The following HDLBP variants were observed in gnomAD, a reference collection of about 807,000 sequenced individuals.
The protein encoded by HDLBP is high density lipoprotein binding protein.
A neutral mutation model predicts 137.3 loss-of-function variants in HDLBP; 30 were observed. That is an observed-to-expected ratio of 0.22 (90% CI 0.16 to 0.30). HDLBP has a LOEUF of 0.30. HDLBP is among the 10% of genes least tolerant of loss of function. The pLI is 1.00. For missense variants in HDLBP, 1,119 were observed against 1,667.3 expected, an observed-to-expected ratio of 0.67 and a Z score of 5.73; for synonymous variants, 606 against 596.0, an observed-to-expected ratio of 1.02 and a Z score of -0.24.
Position 241,239,662 on chromosome 2 carries a change from C to T in HDLBP, c.2550G>A (p.Lys850=). The part of the protein sequence containing the change: ...SGTQSDKVTL[K]GAKDCVEAAK... ...CTGCCTCCACACAGTCCTTGGCGCCCTTGAGGGTGACTTTGTCGCTCTGTG... is the reference window on the plus strand; with the variant it reads ...CTGCCTCCACACAGTCCTTGGCGCCTTTGAGGGTGACTTTGTCGCTCTGTG... Residue 850 remains lysine, a synonymous_variant, in exon 19 of 28, where the codon AAG becomes AAA. Coordinates refer to ENST00000310931, the MANE Select transcript of HDLBP (RefSeq NM_005336.6). The surrounding 1 kb of genome is among the most constrained non-coding windows in gnomAD (Gnocchi z 4.6). The T allele has an allele frequency of 3.1e-6, 5 of 1,614,238 alleles. No individual in the cohort carries two copies. The highest frequency in any genetic ancestry group is 4.2e-6 in the Non-Finnish European group (5 of 1,180,040).
At chr2:241,287,911 C>T (rs2074882103) in intron 1 of HDLBP, among the ~76,000 whole-genome samples, 1 of 152,216 alleles carries the variant, frequency 6.6e-6, no homozygotes, top group African/African-American at 2.4e-5. Context: ...AAAGACAATT[C>T]TGCTGTGAAG....
chr2:241,264,403 C>A, intron 4 of HDLBP, 45 bp downstream of exon 4: 8 of 1,332,642 alleles, frequency 6.0e-6, no homozygotes, highest in East Asian at 2.4e-5. Flanking sequence ...TTTACATAGA[C>A]ATGTTACATG....
rs2075368635 is a variant in HDLBP at position 241,300,816 on chromosome 2, A to C, written c.-103+14754T>G. On this transcript the variant is annotated intron_variant, in intron 1 of 27. Transcript: ENST00000310931. ...CTGCTGAGCTCGTTGTGCAGACGAC[A>C]AAGGGAACACAGAACTTGGGTCTCA... 2.0e-5 allele frequency among the ~76,000 whole-genome samples: 3 copies of C among 152,160 alleles called. No individual in the cohort carries two copies. The South Asian group carries it at 6.2e-4, about 32-fold the overall frequency.
intron 14 of HDLBP, chr2:241,247,427 A>T (rs1574906776): frequency 2.2e-6 from 1 of 444,568 alleles, no homozygotes; most frequent in Non-Finnish European, 4.2e-6. Context: ...ACACACATGG[A>T]GACAGCACGG....
chr2:241,255,708 C>T, intron 7 of HDLBP, 128 bp from the exon 8 acceptor site: 1 of 709,804 alleles, frequency 1.4e-6, no homozygotes, highest in Non-Finnish European at 2.5e-6. Flanking sequence ...AAGAAGTGAA[C>T]AACAAGTGAT....
chr2:241,248,473 G>A, intron 12 of HDLBP, 125 bp from the exon 13 acceptor site: 2 of 757,458 alleles, frequency 2.6e-6, no homozygotes, highest in Non-Finnish European at 4.6e-6. Flanking sequence ...TGGTCTCCAG[G>A]TGGCACCTCG....
At position 241,272,621 on chromosome 2, in the gene HDLBP, C is replaced by CG. The variant is rs1453686777; in HGVS notation, c.-102-4081dup. Reference sequence around the variant, plus strand: ...CGGGCGGGGGCCGCAGCCTGGGGCCCGGGTGGGGGCCGCGGCACCCGGGCC... The same window carrying CG: ...CGGGCGGGGGCCGCAGCCTGGGGCCCGGGGTGGGGGCCGCGGCACCCGGGCC... On this transcript the variant is annotated intron_variant, in intron 1 of 27. Coordinates refer to ENST00000310931, the MANE Select transcript of HDLBP (RefSeq NM_005336.6). The surrounding 1 kb of genome is among the most constrained non-coding windows in gnomAD (Gnocchi z 5.6). 4 of 980,602 alleles carry CG rather than the reference C, an allele frequency of 4.1e-6. No homozygotes were observed. The highest frequency in any genetic ancestry group is 4.8e-6 in the Non-Finnish European group (4 of 826,960). 60.7% of individuals were successfully genotyped at this position (980,602 alleles called of 1,614,324 possible). A position where few individuals can be genotyped will look rare whatever the true frequency, so the allele number is the denominator to read the frequency against.
chr2:241,297,829 G>A (rs554679484), intron 1 of HDLBP, among the ~76,000 whole-genome samples: 6 of 152,032 alleles, frequency 3.9e-5, no homozygotes, highest in Admixed American at 3.3e-4. Context: ...AAGGCGGGTG[G>A]ATCACCTGAG....
At chr2:241,246,661 A>C in intron 16 of HDLBP, 91 bp downstream of exon 16, 1 of 1,303,356 alleles carries the variant, frequency 7.7e-7, no homozygotes, top group Non-Finnish European at 1.1e-6. Flanking sequence ...GCGCTGGCCC[A>C]ATGACCCTGC....
intron 20 of HDLBP, among the ~76,000 whole-genome samples, chr2:241,237,727 AC>A (rs899238816): frequency 8.9e-5 from 11 of 123,446 alleles, no homozygotes; most frequent in Non-Finnish European, 3.4e-5. Flanking sequence ...CAGAAAAAAA[AC>A]GTGTGTAAAA....
chr2:241,234,517 G>A (rs2070170082), intron 23 of HDLBP, among the ~76,000 whole-genome samples: 1 of 152,166 alleles, frequency 6.6e-6, no homozygotes, highest in Admixed American at 6.5e-5. Flanking sequence ...CTCACGGGAG[G>A]AGTGGAAAGC....
At chr2:241,314,826 C>T (rs1247884722) in intron 1 of HDLBP, among the ~76,000 whole-genome samples, 1 of 152,198 alleles carries the variant, frequency 6.6e-6, no homozygotes, top group Non-Finnish European at 1.5e-5. Context: ...GCGGGTCAGC[C>T]ATTAGGAACT....
At chr2:241,258,302 G>C (rs576479994) in intron 5 of HDLBP, among the ~76,000 whole-genome samples, 1 of 140,662 alleles carries the variant, frequency 7.1e-6, no homozygotes, top group Non-Finnish European at 1.5e-5. Context: ...AGCCGAGATC[G>C]CGCCACTGCA....
chr2:241,233,891 C>T lies in HDLBP; in HGVS notation c.3217G>A (p.Ala1073Thr), dbSNP rs2149342588. Residue 1073 changes from alanine (A) to threonine (T), a missense_variant, in exon 24 of 28, where the codon GCA becomes ACA. Transcript: ENST00000310931. The surrounding 1 kb of genome is among the most constrained non-coding windows in gnomAD (Gnocchi z 4.3). Reference protein sequence around the residue: ...YHPKIIGRKGAVITQIRLEHD... With the variant: ...YHPKIIGRKGTVITQIRLEHD... ...TCCAACCGGATTTGGGTAATTACTGCCCCCTTTCTCCCGATAATCTTGGGA... is the reference window on the plus strand; with the variant it reads ...TCCAACCGGATTTGGGTAATTACTGTCCCCTTTCTCCCGATAATCTTGGGA... 1 of 1,614,062 alleles carries T rather than the reference C, an allele frequency of 6.2e-7. No homozygotes were observed. The highest frequency in any genetic ancestry group is 8.5e-7 in the Non-Finnish European group (1 of 1,179,934).
chr2:241,283,786 G>A (rs950951670), intron 1 of HDLBP, among the ~76,000 whole-genome samples: 1 of 152,108 alleles, frequency 6.6e-6, no homozygotes, highest in Admixed American at 6.6e-5. Flanking sequence ...TAGCTAGATC[G>A]CTTCTAAGAG....
Position 241,248,261 on chromosome 2 carries a change from G to T in HDLBP, c.1600C>A (p.Arg534Ser). 1 of 1,613,512 alleles carries T rather than the reference G, an allele frequency of 6.2e-7. No individual in the cohort carries two copies. Among genetic ancestry groups the T allele is most frequent in the Non-Finnish European group, 8.5e-7 (1 of 1,179,470 alleles). Residue 534 changes from arginine (R) to serine (S), a missense_variant, in exon 13 of 28, where the codon CGT becomes AGT. Transcript: ENST00000310931. ...GQKGERIREI[R>S]DKFPEVIINF... is the part of the protein sequence containing the mutation. ...AACTTTACCTCTGGGAATTTGTCAC[G>T]AATTTCACGGATCCGTTCACCCTTC... is the stretch of plus-strand genomic sequence containing the variant.
At chr2:241,248,617 T>C (rs62186367) in intron 12 of HDLBP, among the ~76,000 whole-genome samples, 39,031 of 152,070 alleles carry the variant, frequency 0.26, 5,843 homozygotes, top group East Asian at 0.63. Context: ...GAACTCGCTG[T>C]AGGACCCTTC....
intron 24 of HDLBP, among the ~76,000 whole-genome samples, chr2:241,232,360 C>T (rs945676076): frequency 6.6e-6 from 1 of 151,946 alleles, no homozygotes; most frequent in Non-Finnish European, 1.5e-5. Flanking sequence ...ACTGCAGCCT[C>T]CGCCTCCTGC....
At position 241,272,205 on chromosome 2, in the gene HDLBP, C is replaced by A; in HGVS notation, c.-102-3664G>T. On this transcript the variant is annotated intron_variant, in intron 1 of 27. Coordinates refer to ENST00000310931, the MANE Select transcript of HDLBP (RefSeq NM_005336.6). The surrounding 1 kb of genome is among the most constrained non-coding windows in gnomAD (Gnocchi z 5.6). ...CCCCGCGCGGCAGGTGGAGGTGCTGCGGGGGCCCCGCCGCCCGGTCTGCGC... is the reference window on the plus strand; with the variant it reads ...CCCCGCGCGGCAGGTGGAGGTGCTGAGGGGGCCCCGCCGCCCGGTCTGCGC... The A allele has an allele frequency of 3.0e-6, 3 of 984,038 alleles. No individual in the cohort carries two copies. The highest frequency in any genetic ancestry group is 3.6e-6 in the Non-Finnish European group (3 of 828,742). 61.0% of individuals were successfully genotyped at this position (984,038 alleles called of 1,614,324 possible).
Sources: gnomAD v4.1 joint callset for allele counts (sites outside exome capture counted in the v4.1 genomes callset) on GRCh38, gnomAD v4.1.1 for gene constraint, Gnocchi (gnomAD v3.1) non-coding constraint, MANE v1.5 for transcripts, NCBI Gene and HGNC (gene_info 2026-07-23, HGNC 2026-07-21) for gene names.